Variants in FRMPD1 observed in about 807,000 individuals in gnomAD.
The protein encoded by FRMPD1 is FERM and PDZ domain containing 1.
Under a neutral mutation model 117.8 loss-of-function variants are expected in FRMPD1, and 76 were observed. The observed-to-expected ratio is 0.65, with a 90% confidence interval of 0.54 to 0.78. The LOEUF is 0.78. Ranked by LOEUF, FRMPD1 falls within the 30% of genes least tolerant of loss-of-function variation. The pLI, the probability that FRMPD1 is intolerant of heterozygous loss-of-function variation, is 0.00. For missense variants in FRMPD1, 1,786 were observed against 1,964.5 expected (o/e 0.91, Z 1.72); for synonymous variants, 783 against 770.4 (o/e 1.02, Z -0.27).
intron 5 of FRMPD1, among the ~76,000 whole-genome samples, chr9:37,717,337 A>ATGTG (rs1823169613): frequency 1.1e-5 from 1 of 88,730 alleles, no homozygotes; most frequent in African/African-American, 3.8e-5. Flanking sequence ...GTGTATGTGT[A>ATGTG]TATATGTGTG....
chr9:37,726,701 A>G (rs758778101), intron 7 of FRMPD1, among the ~76,000 whole-genome samples: 104 of 151,940 alleles, frequency 6.8e-4, no homozygotes, highest in Non-Finnish European at 1.1e-3. Context: ...TCCATCTCAA[A>G]AAAATAAATA....
chr9:37,660,668 A>G (rs1820974973), intron 1 of FRMPD1, among the ~76,000 whole-genome samples: 1 of 152,204 alleles, frequency 6.6e-6, no homozygotes, highest in South Asian at 2.1e-4. Context: ...TCAAAATATG[A>G]TGCTTTATCT....
At chr9:37,711,509 G>T in intron 5 of FRMPD1, 114 bp downstream of exon 5, 1 of 812,338 alleles carries the variant, frequency 1.2e-6, no homozygotes, top group South Asian at 1.4e-5. Context: ...GGTGGAGGGT[G>T]ACAGCTGCCC....
intron 1 of FRMPD1, among the ~76,000 whole-genome samples, chr9:37,660,428 T>C (rs1488265753): frequency 6.6e-6 from 1 of 152,054 alleles, no homozygotes; most frequent in Non-Finnish European, 1.5e-5. Flanking sequence ...GTGGCCCCCT[T>C]CCTGGTCATC....
chr9:37,669,052 T>C (rs1430032608), intron 1 of FRMPD1, among the ~76,000 whole-genome samples: 1 of 152,136 alleles, frequency 6.6e-6, no homozygotes, highest in Non-Finnish European at 1.5e-5. Context: ...GAGCAATCTT[T>C]GGTTACACAG....
At chr9:37,725,091 C>T (rs1028537315) in intron 7 of FRMPD1, among the ~76,000 whole-genome samples, 2 of 152,192 alleles carry the variant, frequency 1.3e-5, no homozygotes, top group African/African-American at 4.8e-5. Context: ...AGAAAAATGG[C>T]AATTGCCCAG....
At chr9:37,665,709 C>G (rs2119399383) in intron 1 of FRMPD1, among the ~76,000 whole-genome samples, 1 of 152,264 alleles carries the variant, frequency 6.6e-6, no homozygotes, top group South Asian at 2.1e-4. Flanking sequence ...CTTCACTGGG[C>G]TTTCTCATGC....
the FRMPD1 span, among the ~76,000 whole-genome samples, chr9:37,643,307 C>T: frequency 6.6e-6 from 1 of 151,414 alleles, no homozygotes; most frequent in Non-Finnish European, 1.5e-5. Flanking sequence ...TTATTTTTTT[C>T]CTCCATTTGG....
At chr9:37,638,402 C>T in the FRMPD1 span, among the ~76,000 whole-genome samples, 3 of 152,088 alleles carry the variant, frequency 2.0e-5, no homozygotes, top group South Asian at 2.1e-4. Context: ...AAAGGACTTG[C>T]GTTATGGGTA....
At chr9:37,702,466 A>G (rs1321084456) in intron 2 of FRMPD1, among the ~76,000 whole-genome samples, 1 of 152,262 alleles carries the variant, frequency 6.6e-6, no homozygotes, top group Non-Finnish European at 1.5e-5. Flanking sequence ...CAGAGCTCCA[A>G]GATGTGAGAA....
upstream of FRMPD1, among the ~76,000 whole-genome samples, chr9:37,649,115 G>A (rs141520606): frequency 7.9e-5 from 12 of 152,136 alleles, no homozygotes; most frequent in Non-Finnish European, 1.5e-4. Flanking sequence ...ATTCCATGGG[G>A]AACATTTGTA....
At chr9:37,685,174 A>G (rs1821877570) in intron 1 of FRMPD1, among the ~76,000 whole-genome samples, 1 of 152,170 alleles carries the variant, frequency 6.6e-6, no homozygotes, top group Admixed American at 6.5e-5. Context: ...CATGAACATA[A>G]TCTTTCTTTT....
chr9:37,612,433 C>G, the FRMPD1 span, among the ~76,000 whole-genome samples: 1 of 152,122 alleles, frequency 6.6e-6, no homozygotes, highest in Non-Finnish European at 1.5e-5. Flanking sequence ...ACTGCAACCT[C>G]CGCTTCTCGG....
At chr9:37,710,959 CAAAAAA>C (rs33962036) in intron 4 of FRMPD1, among the ~76,000 whole-genome samples, 8 of 106,946 alleles carry the variant, frequency 7.5e-5, no homozygotes, top group Non-Finnish European at 1.2e-4. Flanking sequence ...CTCTGTCTCA[CAAAAAA>C]AAAAAAAAAA....
Position 37,744,679 on chromosome 9 carries a change from A to G in FRMPD1, c.2647A>G (p.Thr883Ala), listed in dbSNP as rs1249521390. Residue 883 changes from threonine to alanine, a missense_variant, in exon 16 of 16, where the codon ACT (threonine) becomes GCT (alanine). Thr to Ala is a moderately conservative substitution (Grantham distance 58). Coordinates refer to ENST00000377765, the MANE Select transcript of FRMPD1 (RefSeq NM_014907.3). Reference sequence around the variant, plus strand: ...CCTGGCCCTTGGTGCACCCTCCCCAACTGTGTCCTCTCTGCAGGACATGCA... The same window carrying G: ...CCTGGCCCTTGGTGCACCCTCCCCAGCTGTGTCCTCTCTGCAGGACATGCA... ...PYLALGAPSP[T>A]VSSLQDMQGE... 11 of 1,613,914 alleles carry G rather than the reference A, an allele frequency of 6.8e-6. No homozygotes were observed. Among genetic ancestry groups the G allele is most frequent in the Non-Finnish European group, 8.5e-6 (10 of 1,179,986 alleles).
the FRMPD1 span, among the ~76,000 whole-genome samples, chr9:37,609,795 T>C: frequency 1.3e-5 from 2 of 152,210 alleles, no homozygotes; most frequent in African/African-American, 4.8e-5. Context: ...CTGGCTGTCC[T>C]TCCCTCAGCC....
At chr9:37,717,012 G>A (rs1302644379) in intron 5 of FRMPD1, among the ~76,000 whole-genome samples, 1 of 152,132 alleles carries the variant, frequency 6.6e-6, no homozygotes. Flanking sequence ...TTAGAAATCA[G>A]GACTATTTTG....
At chr9:37,672,613 G>A (rs1178124244) in intron 1 of FRMPD1, among the ~76,000 whole-genome samples, 1 of 152,176 alleles carries the variant, frequency 6.6e-6, no homozygotes, top group Admixed American at 6.5e-5. Context: ...CCTGCCCATA[G>A]TCACAGATCT....
the FRMPD1 span, among the ~76,000 whole-genome samples, chr9:37,613,554 A>G: frequency 5.3e-4 from 81 of 152,178 alleles, no homozygotes; most frequent in African/African-American, 9.4e-4. Flanking sequence ...GAGCTCGAAA[A>G]CAGAGACACA....
Sources: gnomAD v4.1 joint callset for allele counts (sites outside exome capture counted in the v4.1 genomes callset) on GRCh38, gnomAD v4.1.1 for gene constraint, MANE v1.5 for transcripts, NCBI Gene and HGNC (gene_info 2026-07-23, HGNC 2026-07-21) for gene names.